The following EPYC variants were observed in gnomAD, a reference collection of about 807,000 sequenced individuals.
EPYC encodes the protein dermatan sulfate proteoglycan 3.
In EPYC, 28 loss-of-function variants were observed where a neutral mutation model predicts 30.1. The ratio of observed to expected loss-of-function variants is 0.93; its 90% CI spans 0.69 to 1.28. The LOEUF (loss-of-function observed/expected upper bound fraction) is 1.28. Ranked by LOEUF, EPYC falls within the 50% of genes most tolerant of loss-of-function variation. The probability of loss-of-function intolerance (pLI) is 0.00; values close to 1 mark genes in which losing one functional copy is unlikely to be tolerated. For missense variants in EPYC, 382 were observed against 383.5 expected (o/e 1.00, Z 0.03); for synonymous variants, 144 against 141.4 (o/e 1.02, Z -0.13).
At chr12:90,993,339 C>T (rs1442360087) in intron 2 of EPYC, among the ~76,000 whole-genome samples, 1 of 152,112 alleles carries the variant, frequency 6.6e-6, no homozygotes, top group African/African-American at 2.4e-5. Context: ...TTAGGAAGCT[C>T]TTACTTGCTT....
At chr12:90,990,074 G>A (rs937504709) in intron 2 of EPYC, among the ~76,000 whole-genome samples, 1 of 152,106 alleles carries the variant, frequency 6.6e-6, no homozygotes, top group East Asian at 1.9e-4. Flanking sequence ...GATGGGAGGA[G>A]GGGAGCGAGT....
chr12:91,002,663 C>A, intron 1 of EPYC, 85 bp from the exon 2 acceptor site: 1 of 1,063,060 alleles, frequency 9.4e-7, no homozygotes, highest in South Asian at 1.6e-5. Context: ...AAATTAGTGT[C>A]AATATCAAAG....
intron 1 of EPYC, among the ~76,000 whole-genome samples, chr12:91,003,816 A>G (rs887962115): frequency 6.6e-6 from 1 of 152,112 alleles, no homozygotes; most frequent in Non-Finnish European, 1.5e-5. Flanking sequence ...TTACTTTTAA[A>G]CTTGAATGCA....
At chr12:90,994,906 T>C (rs536254162) in intron 2 of EPYC, among the ~76,000 whole-genome samples, 82 of 152,124 alleles carry the variant, frequency 5.4e-4, no homozygotes, top group South Asian at 5.2e-3. Context: ...CAATTTGTTC[T>C]ACACAGTTGA....
rs1047686365 is a variant in EPYC at position 90,964,049 on chromosome 12, T to C, written c.*107A>G. ...AATTGTATTTTATGTAGTCATATCA[T>C]CTCTCAGAACACAATCTCAAAGTAT... On this transcript the variant is annotated 3_prime_UTR_variant, in exon 7 of 7. Transcript: ENST00000261172. The C allele has an allele frequency of 1.2e-6, 1 of 837,776 alleles. No homozygotes were observed. Among genetic ancestry groups the C allele is most frequent in the Non-Finnish European group, 1.8e-6 (1 of 546,456 alleles). The allele number at this position is 837,776 out of a possible 1,614,324, so 51.9% of individuals were successfully genotyped here.
At chr12:90,976,556 C>G (rs954958923) in intron 3 of EPYC, among the ~76,000 whole-genome samples, 1 of 152,104 alleles carries the variant, frequency 6.6e-6, no homozygotes, top group African/African-American at 2.4e-5. Context: ...CTCTGTCTGT[C>G]CAAGAAACTC....
chr12:90,973,054 T>G, intron 3 of EPYC, 74 bp from the exon 4 acceptor site: 1 of 1,048,768 alleles, frequency 9.5e-7, no homozygotes, highest in East Asian at 2.6e-5. Context: ...GAATGTTTGA[T>G]ACACAAGATT....
At chr12:90,999,143 G>T (rs1377706956) in intron 2 of EPYC, among the ~76,000 whole-genome samples, 1 of 152,090 alleles carries the variant, frequency 6.6e-6, no homozygotes, top group East Asian at 1.9e-4. Flanking sequence ...AAATTCAACT[G>T]TGCCATATAG....
chr12:90,981,539 G>C (rs753344645), intron 2 of EPYC, among the ~76,000 whole-genome samples: 1 of 152,080 alleles, frequency 6.6e-6, no homozygotes, highest in Non-Finnish European at 1.5e-5. Flanking sequence ...CATTTTAAGT[G>C]ACAATAAGAT....
At chr12:90,966,433 A>G (rs576862503) in intron 6 of EPYC, among the ~76,000 whole-genome samples, 16 of 152,144 alleles carry the variant, frequency 1.1e-4, no homozygotes, top group African/African-American at 2.6e-4. Context: ...CTATTAATAT[A>G]TTACATTGGT....
chr12:90,973,215 T>C (rs1877098081), intron 3 of EPYC, among the ~76,000 whole-genome samples: 1 of 2,068 alleles, frequency 4.8e-4, no homozygotes, highest in Non-Finnish European at 1.2e-3. Flanking sequence ...AGTACTTTTC[T>C]ATTAGAAATT....
intron 2 of EPYC, among the ~76,000 whole-genome samples, chr12:90,985,840 G>T (rs1222472246): frequency 1.3e-5 from 2 of 152,076 alleles, no homozygotes; most frequent in Non-Finnish European, 2.9e-5. Context: ...CCCTCACTGA[G>T]CCCTGGGTAA....
rs554352639 is a variant in EPYC at position 90,963,743 on chromosome 12, G to A, written c.*413C>T. The A allele has an allele frequency of 6.6e-6, 1 of 151,906 alleles. No homozygotes were observed. The highest frequency in any genetic ancestry group is 2.1e-4 in the South Asian group (1 of 4,764). 9.4% of individuals were successfully genotyped at this position (151,906 alleles called of 1,614,324 possible). On this transcript the variant is annotated 3_prime_UTR_variant, in exon 7 of 7. Transcript: ENST00000261172. ...TTTAATGGATTAGGGGAATAAACAT[G>A]CTTTAGTGAAAAAAAAAGGAAGAGA...
At chr12:90,979,922 G>A (rs1374545292) in intron 2 of EPYC, among the ~76,000 whole-genome samples, 1 of 152,164 alleles carries the variant, frequency 6.6e-6, no homozygotes, top group Non-Finnish European at 1.5e-5. Context: ...TTTAAAGCAT[G>A]AAATCAAAAC....
intron 1 of EPYC, among the ~76,000 whole-genome samples, chr12:91,003,141 A>C (rs1298400390): frequency 6.6e-6 from 1 of 152,124 alleles, no homozygotes; most frequent in Non-Finnish European, 1.5e-5. Context: ...TGTTTCTTGT[A>C]CATTTAAGTC....
At chr12:90,977,364 A>G (rs1209555975) in intron 3 of EPYC, among the ~76,000 whole-genome samples, 1 of 152,170 alleles carries the variant, frequency 6.6e-6, no homozygotes, top group Non-Finnish European at 1.5e-5. Context: ...CCTTCTCATT[A>G]ACTAAAAGGC....
intron 3 of EPYC, among the ~76,000 whole-genome samples, chr12:90,973,244 CATT>C (rs1208805896): frequency 3.3e-5 from 5 of 151,944 alleles, no homozygotes; most frequent in East Asian, 1.9e-4. Flanking sequence ...AAAATTTAAA[CATT>C]ATTATTGTGC....
rs367913137 is a variant in EPYC, at chr12:91,002,415, C to T, written c.151G>A (p.Val51Ile). The T allele has an allele frequency of 3.7e-6, 6 of 1,611,314 alleles. No individual in the cohort carries two copies. The African/African-American group carries it at 8.0e-5, about 22-fold the overall frequency. The change falls in exon 2 of 7, where the codon GTT becomes ATT. Residue 51 changes from valine (V) to isoleucine (I), a missense_variant. Physicochemically the swap from Val to Ile is conservative, Grantham distance 29. Transcript: ENST00000261172. ...GGATCGATTACCTCAACTTTATCAA[C>T]AGGTATGTTTTCATAGTTGTACAAA... ...DNLYNYENIP[V>I]DKVEIEIATV...
At chr12:90,971,405 C>T (rs1405652316) in intron 5 of EPYC, among the ~76,000 whole-genome samples, 1 of 152,102 alleles carries the variant, frequency 6.6e-6, no homozygotes, top group Non-Finnish European at 1.5e-5. Context: ...CATAGTGACT[C>T]ACACCTATAA....
Sources: gnomAD v4.1 joint callset for allele counts (sites outside exome capture counted in the v4.1 genomes callset) on GRCh38, gnomAD v4.1.1 for gene constraint, MANE v1.5 for transcripts, NCBI Gene and HGNC (gene_info 2026-07-23, HGNC 2026-07-21) for gene names.